KDM3B: variants seen among roughly 807,000 people sequenced by gnomAD.
KDM3B encodes lysine demethylase 3B.
Under a neutral mutation model 170.0 loss-of-function variants are expected in KDM3B, and 10 were observed. The observed-to-expected ratio is 0.06, with a 90% CI of 0.04 to 0.10. The LOEUF (loss-of-function observed/expected upper bound fraction) is 0.10, where lower values mean the gene tolerates loss of function less well. KDM3B is among the 10% of genes least tolerant of loss of function. The pLI is 1.00. For missense variants in KDM3B, 1,394 were observed against 2,195.2 expected (o/e 0.64, Z 7.29); for synonymous variants, 831 against 834.8 (o/e 1.00, Z 0.08).
chr5:138,416,588 C>CAAAA (rs545925296), intron 12 of KDM3B, among the ~76,000 whole-genome samples: 4 of 84,208 alleles, frequency 4.8e-5, no homozygotes, highest in South Asian at 4.3e-4. Context: ...GACTCTGTCT[C>CAAAA]AAAAAAAAAA....
intron 1 of KDM3B, 48 bp from the exon 2 acceptor site, chr5:138,372,626 T>G: frequency 4.7e-5 from 72 of 1,516,448 alleles, no homozygotes; most frequent in Middle Eastern, 1.7e-4. Flanking sequence ...AAGTATAGTG[T>G]GAGATTTTTC....
chr5:138,410,125 G>A (rs2126976784), intron 11 of KDM3B, among the ~76,000 whole-genome samples: 1 of 147,634 alleles, frequency 6.8e-6, no homozygotes, highest in South Asian at 2.2e-4. Context: ...AAAATAGAGG[G>A]TTGAATACTA....
intron 13 of KDM3B, 152 bp from the exon 14 acceptor site, chr5:138,418,801 A>G (rs755519122): frequency 5.1e-6 from 4 of 781,940 alleles, no homozygotes; most frequent in Non-Finnish European, 8.4e-6. Context: ...GTAGGACTCA[A>G]TAAATATATG....
At chr5:138,361,043 T>C (rs1761595629) in intron 1 of KDM3B, among the ~76,000 whole-genome samples, 1 of 152,170 alleles carries the variant, frequency 6.6e-6, no homozygotes, top group Non-Finnish European at 1.5e-5. Context: ...AGACTCAAAA[T>C]GGTGGGTAAG....
chr5:138,373,934 CTGAT>C (rs1308953139), intron 2 of KDM3B, among the ~76,000 whole-genome samples: 1 of 152,170 alleles, frequency 6.6e-6, no homozygotes, highest in Admixed American at 6.5e-5. Flanking sequence ...ATTTTTTTAA[CTGAT>C]TGATGGTATA....
rs181727520 is a variant in KDM3B, at chr5:138,378,782, A to G, written c.581-802A>G. Among the ~76,000 whole-genome samples the G allele has an allele frequency of 4.6e-4, 66 of 144,556 alleles. 2 individuals carry two copies. In the East Asian group the frequency reaches 0.012, roughly 27 times the overall value. 94.8% of individuals were successfully genotyped at this position (144,556 alleles called of 152,430 possible). Reference sequence around the variant, plus strand: ...AGGAGAGGTAGGGAGATACATATATATATAGATTATATATATCATGATATA... The same window carrying G: ...AGGAGAGGTAGGGAGATACATATATGTATAGATTATATATATCATGATATA... On this transcript the variant is annotated intron_variant, in intron 4 of 23. Transcript: ENST00000314358.
intron 11 of KDM3B, among the ~76,000 whole-genome samples, chr5:138,408,575 C>T (rs1762883950): frequency 6.6e-6 from 1 of 152,018 alleles, no homozygotes; most frequent in Admixed American, 6.6e-5. Context: ...TTTATGAAGC[C>T]AGCATTATAC....
intron 15 of KDM3B, among the ~76,000 whole-genome samples, chr5:138,423,137 T>A (rs1763314441): frequency 6.6e-6 from 1 of 152,164 alleles, no homozygotes; most frequent in Non-Finnish European, 1.5e-5. Context: ...AGAGACAGGG[T>A]TGGCCACCAT....
intron 10 of KDM3B, among the ~76,000 whole-genome samples, chr5:138,398,651 C>T (rs1762604609): frequency 6.6e-6 from 1 of 152,104 alleles, no homozygotes; most frequent in African/African-American, 2.4e-5. Context: ...GCAGCCATAA[C>T]ATCCATTTAA....
At position 138,436,102 on chromosome 5, in the gene KDM3B, T is replaced by C. The variant is rs1763667218; in HGVS notation, c.*402T>C. On this transcript the variant is annotated 3_prime_UTR_variant, in exon 24 of 24. Coordinates refer to ENST00000314358, the MANE Select transcript of KDM3B (RefSeq NM_016604.4). ...GGAAATCACATAACTGGTACAAGTA[T>C]GGGGTAATTGCTTAAACATGCCTGG... 1 of 201,752 alleles carries C rather than the reference T, an allele frequency of 5.0e-6. No homozygotes were observed. The highest frequency in any genetic ancestry group is 1.4e-4 in the East Asian group (1 of 6,954). 12.5% of individuals were successfully genotyped at this position (201,752 alleles called of 1,614,324 possible).
At chr5:138,419,672 TATATATATATATATATAC>T (rs1763210513) in intron 14 of KDM3B, among the ~76,000 whole-genome samples, 3 of 109,736 alleles carry the variant, frequency 2.7e-5, no homozygotes, top group Admixed American at 1.1e-4. Context: ...AAAAAAAATA[TATATATATATATATATAC>T]ATATATATAT....
At chr5:138,360,828 G>A (rs1300555256) in intron 1 of KDM3B, among the ~76,000 whole-genome samples, 3 of 152,130 alleles carry the variant, frequency 2.0e-5, no homozygotes, top group Non-Finnish European at 4.4e-5. Flanking sequence ...CTGACCGCAA[G>A]TGATCTGTCT....
At chr5:138,395,428 A>G (rs1349185988) in intron 9 of KDM3B, among the ~76,000 whole-genome samples, 1 of 152,148 alleles carries the variant, frequency 6.6e-6, no homozygotes, top group Non-Finnish European at 1.5e-5. Flanking sequence ...GAAGACAACT[A>G]AAGAAAGTAT....
At chr5:138,393,439 C>G in intron 9 of KDM3B, 67 bp downstream of exon 9, 1 of 1,293,234 alleles carries the variant, frequency 7.7e-7, no homozygotes, top group Non-Finnish European at 1.1e-6. Context: ...CACTCTTTCT[C>G]TGAGTCTATA....
Position 138,419,973 on chromosome 5 carries a change from T to TGC in KDM3B, c.3716-733_3716-732insGC, listed in dbSNP as rs879595417. ...CGATCTTGGCTCACTGCAACCTCCG[T>TGC]CTCCCAGGTTCAAGTGATTCTCCTG... On this transcript the variant is annotated intron_variant, in intron 14 of 23. Transcript: ENST00000314358. Among the ~76,000 whole-genome samples, 797 of 152,034 alleles carry TGC rather than the reference T, an allele frequency of 5.2e-3. 8 individuals are homozygous for TGC. The highest frequency in any genetic ancestry group is 6.4e-3 in the Non-Finnish European group (437 of 67,970).
intron 1 of KDM3B, among the ~76,000 whole-genome samples, chr5:138,368,417 G>C (rs1761797806): frequency 6.7e-6 from 1 of 150,304 alleles, no homozygotes; most frequent in South Asian, 2.1e-4. Context: ...TATTTTTTTT[G>C]TAGAGACAGG....
At chr5:138,432,748 A>C (rs1296115522) in intron 23 of KDM3B, among the ~76,000 whole-genome samples, 1 of 151,870 alleles carries the variant, frequency 6.6e-6, no homozygotes. Context: ...CTGTGGCTCA[A>C]GTGTATCTTT....
intron 19 of KDM3B, 108 bp from the exon 20 acceptor site, chr5:138,427,859 A>G: frequency 1.0e-6 from 1 of 1,000,586 alleles, no homozygotes; most frequent in Non-Finnish European, 1.5e-6. Flanking sequence ...TCACTCTCCT[A>G]ATTTTACTCA....
At chr5:138,419,852 C>G (rs1026197504) in intron 14 of KDM3B, among the ~76,000 whole-genome samples, 5 of 151,326 alleles carry the variant, frequency 3.3e-5, no homozygotes, top group South Asian at 2.1e-4. Context: ...CCCTGGATCT[C>G]TAGTCAGAAT....
Sources: allele counts gnomAD v4.1 joint callset (sites outside exome capture counted in the v4.1 genomes callset), GRCh38; gene constraint gnomAD v4.1.1; transcripts MANE v1.5; gene names NCBI Gene and HGNC (gene_info 2026-07-23, HGNC 2026-07-21).